The following CDH12 variants were observed in gnomAD, a reference collection of about 807,000 sequenced individuals.
CDH12 encodes the protein cadherin-12.
CDH12 carries 41 observed loss-of-function variants against 74.1 expected under a neutral mutation model. The ratio of observed to expected loss-of-function variants is 0.55; its 90% CI spans 0.43 to 0.72. The LOEUF is 0.72. Among genes scored for constraint, CDH12 ranks in the 30% least tolerant of loss-of-function variants. The probability of loss-of-function intolerance (pLI) is 0.00; values close to 1 mark genes in which losing one functional copy is unlikely to be tolerated. For missense variants in CDH12, 945 were observed against 977.2 expected, an observed-to-expected ratio of 0.97 and a Z score of 0.44; for synonymous variants, 399 against 355.0, an observed-to-expected ratio of 1.12 and a Z score of -1.39.
At chr5:22,159,810 G>A (rs1748223593) in intron 4 of CDH12, among the ~76,000 whole-genome samples, 1 of 152,096 alleles carries the variant, frequency 6.6e-6, no homozygotes, top group South Asian at 2.1e-4. Flanking sequence ...TAGTTTAATA[G>A]TTCATTAACA....
chr5:22,810,410 G>A (rs942838338), intron 1 of CDH12, among the ~76,000 whole-genome samples: 1 of 152,066 alleles, frequency 6.6e-6, no homozygotes, highest in Non-Finnish European at 1.5e-5. Flanking sequence ...TGTTCATTAC[G>A]TGTTTCTCAC....
In CDH12 at chr5:22,022,207, C is replaced by T. The variant is rs1738032330; in HGVS notation, c.232-46822G>A. On this transcript the variant is annotated intron_variant, in intron 5 of 14. Transcript: ENST00000382254. ...TGGCTCTGTCTTTCCACCCAAATCT[C>T]ATGTTGAATTGTAATTCCCAGTGTT... Among the ~76,000 whole-genome samples the T allele has an allele frequency of 1.3e-5, 2 of 152,114 alleles. 1 individual carries two copies. Among genetic ancestry groups the T allele is most frequent in the South Asian group, 4.1e-4 (2 of 4,822 alleles).
At chr5:22,529,188 TAGAGAGAGAGAGAGAGAG>T (rs374921601) in intron 1 of CDH12, among the ~76,000 whole-genome samples, 34 of 84,542 alleles carry the variant, frequency 4.0e-4, no homozygotes, top group African/African-American at 1.4e-3. Context: ...TATATATATA[TAGAGAGAGAGAGAGAGAG>T]AGAGAGAGAG....
chr5:22,174,085 T>C (rs1434228878), intron 4 of CDH12, among the ~76,000 whole-genome samples: 1 of 151,970 alleles, frequency 6.6e-6, no homozygotes, highest in South Asian at 2.1e-4. Context: ...CACAAAACAT[T>C]TGAAGTAAGT....
intron 6 of CDH12, among the ~76,000 whole-genome samples, chr5:21,947,081 G>A (rs1472469253): frequency 6.6e-6 from 1 of 152,174 alleles, no homozygotes; most frequent in Admixed American, 6.5e-5. Flanking sequence ...GAAGCCAACT[G>A]CTTTTATTCC....
intron 1 of CDH12, among the ~76,000 whole-genome samples, chr5:22,615,778 TGAG>T (rs1404733308): frequency 2.6e-5 from 4 of 152,116 alleles, no homozygotes; most frequent in Non-Finnish European, 2.9e-5. Flanking sequence ...GTCTCATGCA[TGAG>T]GAGAATTTCT....
chr5:22,067,898 A>G (rs1296876024), intron 5 of CDH12, among the ~76,000 whole-genome samples: 1 of 152,064 alleles, frequency 6.6e-6, no homozygotes, highest in Non-Finnish European at 1.5e-5. Context: ...GAATCGCTTG[A>G]ACCCGGGAGG....
intron 8 of CDH12, among the ~76,000 whole-genome samples, chr5:21,841,851 A>C (rs1464075132): frequency 9.2e-6 from 1 of 108,654 alleles, no homozygotes; most frequent in Non-Finnish European, 1.7e-5. Context: ...CACTCTGGGG[A>C]CTGTTGTGGG....
chr5:22,667,156 T>C lies in CDH12; in HGVS notation c.-522-161792A>G, dbSNP rs540959725. On this transcript the variant is annotated intron_variant, in intron 1 of 14. Transcript: ENST00000382254. ...TTTGCATTTGTGAATTCAGAATAAA[T>C]TATGGTCCCCAAATTTCTTCTTTTT... 7.7e-4 allele frequency among the ~76,000 whole-genome samples: 117 copies of C among 151,286 alleles called. 1 individual carries two copies. The highest frequency in any genetic ancestry group is 2.7e-3 in the African/African-American group (112 of 41,096).
chr5:22,623,387 G>A lies in CDH12; in HGVS notation c.-522-118023C>T, dbSNP rs183415253. 1.5e-3 allele frequency among the ~76,000 whole-genome samples: 234 copies of A among 152,300 alleles called. 1 individual carries two copies. Among genetic ancestry groups the A allele is most frequent in the African/African-American group, 5.3e-3 (221 of 41,556 alleles). ...GGAAGTCAAATTGTCCCTGTTTGCAGATGGTATGATTGTATATTTAGAAAA... is the reference window on the plus strand; with the variant it reads ...GGAAGTCAAATTGTCCCTGTTTGCAAATGGTATGATTGTATATTTAGAAAA... On this transcript the variant is annotated intron_variant, in intron 1 of 14. Coordinates refer to ENST00000382254, the MANE Select transcript of CDH12 (RefSeq NM_004061.5).
chr5:21,818,349 T>C (rs751797566), intron 8 of CDH12, among the ~76,000 whole-genome samples: 1 of 152,004 alleles, frequency 6.6e-6, no homozygotes, highest in Non-Finnish European at 1.5e-5. Context: ...TGTTACAATA[T>C]TACAGTTATT....
chr5:22,576,675 G>A (rs1739804068), intron 1 of CDH12, among the ~76,000 whole-genome samples: 3 of 151,996 alleles, frequency 2.0e-5, no homozygotes, highest in Admixed American at 6.6e-5. Context: ...CTACTGGGGA[G>A]GGCAGAAAAA....
In CDH12 at chr5:22,078,861, G is replaced by T; in HGVS notation, c.-185C>A. On this transcript the variant is annotated splice_region_variant and 5_prime_UTR_variant, in exon 5 of 15. Transcript: ENST00000382254. The stretch of plus-strand genomic sequence containing the variant: ...GCTGTATTATATTCCATCTAAAGGG[G>T]CCTATGAAATAGATGAACAAAGATA... 3 of 1,343,042 alleles carry T rather than the reference G, an allele frequency of 2.2e-6. No individual in the cohort carries two copies. Among genetic ancestry groups the T allele is most frequent in the East Asian group, 2.7e-5 (1 of 37,210 alleles). 83.2% of individuals were successfully genotyped at this position (1,343,042 alleles called of 1,614,324 possible).
intron 7 of CDH12, among the ~76,000 whole-genome samples, chr5:21,851,369 C>T (rs1231670286): frequency 6.6e-6 from 1 of 150,644 alleles, no homozygotes; most frequent in Non-Finnish European, 1.5e-5. Context: ...TGATTTCAAT[C>T]ACTGAATTAA....
chr5:22,820,859 A>T (rs960253188), intron 1 of CDH12, among the ~76,000 whole-genome samples: 3 of 152,282 alleles, frequency 2.0e-5, no homozygotes, highest in Admixed American at 6.5e-5. Flanking sequence ...ATAGAAAAAG[A>T]GGGAATCCTC....
At chr5:22,488,104 C>A (rs540446825) in intron 2 of CDH12, among the ~76,000 whole-genome samples, 1 of 152,074 alleles carries the variant, frequency 6.6e-6, no homozygotes, top group Non-Finnish European at 1.5e-5. Flanking sequence ...AAGAAACGTA[C>A]AATTGTAGTG....
Position 22,819,956 on chromosome 5 carries a change from T to C in CDH12, c.-523+33102A>G, listed in dbSNP as rs568900404. On this transcript the variant is annotated intron_variant, in intron 1 of 14. Transcript: ENST00000382254. ...GTGTGTGTATGTATGTGTGTATATA[T>C]ATACACATATATATACATATACATA... is the stretch of plus-strand genomic sequence containing the variant. Among the ~76,000 whole-genome samples, 453 of 143,982 alleles carry C rather than the reference T, an allele frequency of 3.1e-3. 4 individuals are homozygous for C. In the Middle Eastern group the frequency reaches 0.047, roughly 15 times the overall value. The allele number at this position is 143,982 out of a possible 152,430, so 94.5% of individuals were successfully genotyped here.
chr5:22,743,492 A>C (rs1484571729), intron 1 of CDH12, among the ~76,000 whole-genome samples: 1 of 151,904 alleles, frequency 6.6e-6, no homozygotes, highest in Admixed American at 6.6e-5. Context: ...TGTGAGAGAC[A>C]AAAAGCTATT....
intron 3 of CDH12, among the ~76,000 whole-genome samples, chr5:22,361,082 C>A (rs1223742426): frequency 6.6e-6 from 1 of 152,098 alleles, no homozygotes; most frequent in Non-Finnish European, 1.5e-5. Flanking sequence ...CTGGCCAGGG[C>A]AATCAGGCAG....
Sources: allele counts gnomAD v4.1 joint callset (sites outside exome capture counted in the v4.1 genomes callset), GRCh38; gene constraint gnomAD v4.1.1; transcripts MANE v1.5; gene names NCBI Gene and HGNC (gene_info 2026-07-23, HGNC 2026-07-21).